ZNF616: variants seen among roughly 807,000 people sequenced by gnomAD.
ZNF616 encodes zinc finger protein 616.
Under a neutral mutation model 7.6 loss-of-function variants are expected in ZNF616, and 5 were observed. That is an observed-to-expected ratio of 0.66 (90% CI 0.34 to 1.38). The LOEUF (loss-of-function observed/expected upper bound fraction) is 1.38, where lower values mean the gene tolerates loss of function less well. Ranked by LOEUF, ZNF616 falls within the 40% of genes most tolerant of loss-of-function variation. ZNF616 has a pLI of 0.04. For missense variants in ZNF616, 913 were observed against 948.3 expected (o/e 0.96, Z 0.49); for synonymous variants, 319 against 317.2 (o/e 1.01, Z -0.06).
At chr19:52,117,275 T>C (rs867400154) in intron 3 of ZNF616, among the ~76,000 whole-genome samples, 16 of 152,350 alleles carry the variant, frequency 1.1e-4, no homozygotes, top group Middle Eastern at 3.4e-3. Flanking sequence ...AAAAGACTTA[T>C]GTTGTGCAAA....
At position 52,116,387 on chromosome 19, in the gene ZNF616, G is replaced by T; in HGVS notation, c.777C>A (p.His259Gln). The T allele has an allele frequency of 4.3e-6, 7 of 1,614,010 alleles. No homozygotes were observed. The highest frequency in any genetic ancestry group is 1.7e-5 in the Admixed American group (1 of 60,002). ...IFRKNSYFVR[H>Q]QRSHTGQKPY... is the part of the protein sequence containing the mutation. ...GTTTCTGTCCAGTGTGACTCCTTTG[G>T]TGTCTTACAAAATATGAATTTTTTC... The change falls in exon 4 of 4, where the codon CAC becomes CAA. Residue 259 changes from histidine (H) to glutamine (Q), a missense_variant. Transcript: ENST00000600228.
chr19:52,129,868 C>CCA (rs1374589730), intron 2 of ZNF616, among the ~76,000 whole-genome samples: 3 of 151,964 alleles, frequency 2.0e-5, no homozygotes, highest in Non-Finnish European at 4.4e-5. Flanking sequence ...ACTGCAACCT[C>CCA]CACCTCCGGG....
In ZNF616 at chr19:52,116,564, A is replaced by C; in HGVS notation, c.600T>G (p.Leu200=). 1 of 1,614,096 alleles carries C rather than the reference A, an allele frequency of 6.2e-7. No individual in the cohort carries two copies. Among genetic ancestry groups the C allele is most frequent in the Non-Finnish European group, 8.5e-7 (1 of 1,179,994 alleles). The change falls in exon 4 of 4, where the codon CTT becomes CTG. Residue 200 remains leucine, a synonymous_variant. Coordinates refer to ENST00000600228, the MANE Select transcript of ZNF616 (RefSeq NM_178523.5). ...CGKAFKASSS[L]INHQRIHTTE... is the part of the protein sequence containing the mutation. ...TAGTATGTATCCTCTGATGATTAAT[A>C]AGGCTGGAAGACGCTTTAAAGGCTT...
intron 3 of ZNF616, among the ~76,000 whole-genome samples, chr19:52,119,869 A>C (rs942492933): frequency 1.3e-5 from 2 of 152,210 alleles, no homozygotes; most frequent in African/African-American, 4.8e-5. Context: ...TTATATTTCC[A>C]GGCATATGCT....
chr19:52,115,548 T>A lies in ZNF616; in HGVS notation c.1616A>T (p.His539Leu), dbSNP rs370538909. 1.2e-6 allele frequency: 2 copies of A among 1,613,922 alleles called. No homozygotes were observed. The highest frequency in any genetic ancestry group is 2.7e-5 in the African/African-American group (2 of 74,834). Residue 539 changes from histidine (H) to leucine (L), a missense_variant, in exon 4 of 4, where the codon CAT (histidine) becomes CTT (leucine). Coordinates refer to ENST00000600228, the MANE Select transcript of ZNF616 (RefSeq NM_178523.5). ...CTTCTCTCCAGTATGAATTCTCCGA[T>A]GCCTTGCAAAAGCTGAACGGTCACT... ...VFSDRSAFAR[H>L]RRIHTGEKPY... is the part of the protein sequence containing the mutation.
At chr19:52,135,359 A>G (rs1057366018) in intron 1 of ZNF616, among the ~76,000 whole-genome samples, 10 of 152,160 alleles carry the variant, frequency 6.6e-5, no homozygotes, top group Non-Finnish European at 1.5e-4. Flanking sequence ...TGGCACCACC[A>G]TCTACTAAAA....
intron 1 of ZNF616, among the ~76,000 whole-genome samples, chr19:52,136,835 G>A (rs2089013223): frequency 6.6e-6 from 1 of 151,948 alleles, no homozygotes; most frequent in South Asian, 2.1e-4. Flanking sequence ...AGCTGAGATG[G>A]GAAGATCGCT....
At position 52,120,585 on chromosome 19, in the gene ZNF616, G is replaced by A. The variant is rs540568723; in HGVS notation, c.139+3338C>T. Among the ~76,000 whole-genome samples, 3 of 152,232 alleles carry A rather than the reference G, an allele frequency of 2.0e-5. No individual in the cohort carries two copies. In the East Asian group the frequency reaches 5.8e-4, roughly 29 times the overall value. On this transcript the variant is annotated intron_variant, in intron 3 of 3. Transcript: ENST00000600228. ...ATCCACAAAAGATTCATTTTTATTT[G>A]AAGGACACACGCAGGCTGAATTGAA...
At chr19:52,132,260 A>T (rs1165793644) in intron 1 of ZNF616, among the ~76,000 whole-genome samples, 1 of 152,178 alleles carries the variant, frequency 6.6e-6, no homozygotes, top group Non-Finnish European at 1.5e-5. Flanking sequence ...AGGGGAATGT[A>T]CTTAGGGAGT....
intron 3 of ZNF616, among the ~76,000 whole-genome samples, chr19:52,117,914 A>G (rs543157081): frequency 1.3e-5 from 2 of 152,156 alleles, no homozygotes; most frequent in Non-Finnish European, 2.9e-5. Flanking sequence ...GCCTACACCT[A>G]TGTAACAATC....
intron 1 of ZNF616, among the ~76,000 whole-genome samples, chr19:52,134,176 G>A (rs1261103747): frequency 2.0e-5 from 3 of 152,000 alleles, no homozygotes; most frequent in East Asian, 1.9e-4. Context: ...AATAAGTCAC[G>A]TTTAGGAAAA....
At chr19:52,138,969 C>T (rs1336373058) in intron 1 of ZNF616, 2 of 152,684 alleles carry the variant, frequency 1.3e-5, no homozygotes, top group African/African-American at 4.8e-5. Context: ...TTTTGCTGCC[C>T]TTCAGCTCCC....
rs769415586 is a variant in ZNF616, at chr19:52,116,550, C to T, written c.614G>A (p.Arg205Lys). Residue 205 changes from arginine to lysine, a missense_variant, in exon 4 of 4, where the codon AGG becomes AAG. Arg to Lys is a conservative substitution (Grantham distance 26). Transcript: ENST00000600228. ...GTAAGGTTTCTCTGTAGTATGTATC[C>T]TCTGATGATTAATAAGGCTGGAAGA... Reference protein sequence around the residue: ...KASSSLINHQRIHTTEKPYKC... With the variant: ...KASSSLINHQKIHTTEKPYKC... 3.1e-6 allele frequency: 5 copies of T among 1,614,052 alleles called. No individual in the cohort carries two copies. The highest frequency in any genetic ancestry group is 2.2e-5 in the South Asian group (2 of 91,084).
chr19:52,134,792 C>G (rs1485524365), intron 1 of ZNF616, among the ~76,000 whole-genome samples: 1 of 152,132 alleles, frequency 6.6e-6, no homozygotes, highest in African/African-American at 2.4e-5. Context: ...AAGAGCATTA[C>G]CCATCCTCTC....
In ZNF616 at chr19:52,132,670, G is replaced by A. The variant is rs374227321; in HGVS notation, c.-76-2082C>T. 2.4e-4 allele frequency among the ~76,000 whole-genome samples: 36 copies of A among 152,200 alleles called. 1 individual carries two copies. The East Asian group carries it at 3.5e-3, about 15-fold the overall frequency. On this transcript the variant is annotated intron_variant, in intron 1 of 3. Transcript: ENST00000600228. ...CACGTGAGACGCCTGTTCCTACTTCGCCTGCTACCATGTTTGGAATCTTCC... is the reference window on the plus strand; with the variant it reads ...CACGTGAGACGCCTGTTCCTACTTCACCTGCTACCATGTTTGGAATCTTCC...
rs753959775 is a variant in ZNF616, at chr19:52,114,868, T to G, written c.2296A>C (p.Arg766=). Residue 766 remains arginine (R), a synonymous_variant, in exon 4 of 4, where the codon AGA becomes CGA. Coordinates refer to ENST00000600228, the MANE Select transcript of ZNF616 (RefSeq NM_178523.5). ...CRSGLTKHRI[R]HTGESLTTKL... is the part of the protein sequence containing the mutation. ...GTTGTAAGGCTCTCTCCAGTATGTCTTATTCGATGTTTAGTGAGGCCTGAG... is the reference window on the plus strand; with the variant it reads ...GTTGTAAGGCTCTCTCCAGTATGTCGTATTCGATGTTTAGTGAGGCCTGAG... The G allele has an allele frequency of 1.9e-6, 3 of 1,610,298 alleles. No homozygotes were observed. Among genetic ancestry groups the G allele is most frequent in the Non-Finnish European group, 2.5e-6 (3 of 1,178,050 alleles).
intron 3 of ZNF616, among the ~76,000 whole-genome samples, chr19:52,123,651 T>C (rs2088881261): frequency 1.3e-5 from 2 of 152,074 alleles, no homozygotes; most frequent in Admixed American, 1.3e-4. Context: ...AAAAAGCACA[T>C]GGACAGAAAA....
Position 52,116,154 on chromosome 19 carries a change from C to T in ZNF616, c.1010G>A (p.Ser337Asn). 6.2e-7 allele frequency: 1 copy of T among 1,613,914 alleles called. No individual in the cohort carries two copies. Among genetic ancestry groups the T allele is most frequent in the Non-Finnish European group, 8.5e-7 (1 of 1,179,980 alleles). ...CNECGKTFKRSSNLTVHQVIH... is the reference protein window; with the variant it reads ...CNECGKTFKRNSNLTVHQVIH... ...TACCTGATGTACAGTGAGGTTTGAG[C>T]TCCGTTTAAAGGTTTTGCCACACTC... The change falls in exon 4 of 4, where the codon AGC (serine) becomes AAC (asparagine). Residue 337 changes from serine (S) to asparagine (N), a missense_variant. Physicochemically the swap from Ser to Asn is conservative, Grantham distance 46. Coordinates refer to ENST00000600228, the MANE Select transcript of ZNF616 (RefSeq NM_178523.5).
chr19:52,122,107 A>G (rs2122151457), intron 3 of ZNF616, among the ~76,000 whole-genome samples: 1 of 152,198 alleles, frequency 6.6e-6, no homozygotes, highest in East Asian at 1.9e-4. Context: ...TCCAAAAAAA[A>G]AAAAAAGTGT....
Sources: gnomAD v4.1 joint callset for allele counts (sites outside exome capture counted in the v4.1 genomes callset) on GRCh38, gnomAD v4.1.1 for gene constraint, MANE v1.5 for transcripts, NCBI Gene and HGNC (gene_info 2026-07-23, HGNC 2026-07-21) for gene names.